Variants in DYNC2H1 observed in about 807,000 individuals in gnomAD.
DYNC2H1 encodes dynein cytoplasmic 2 heavy chain 1, also known as cytoplasmic dynein 2 heavy chain 1.
DYNC2H1 carries 410 observed loss-of-function variants against 570.0 expected under a neutral mutation model. The ratio of observed to expected loss-of-function variants is 0.72; its 90% CI spans 0.66 to 0.78. DYNC2H1 has a LOEUF of 0.78. Among genes scored for constraint, DYNC2H1 ranks in the 30% least tolerant of loss-of-function variants. DYNC2H1 has a pLI of 0.00. For synonymous variants in DYNC2H1, 1,688 were observed against 1,677.6 expected, an observed-to-expected ratio of 1.01 and a Z score of -0.15; for missense variants, 4,865 against 5,046.4, an observed-to-expected ratio of 0.96 and a Z score of 1.09.
chr11:103,150,593 G>A (rs1204259045), intron 20 of DYNC2H1, among the ~76,000 whole-genome samples: 1 of 152,024 alleles, frequency 6.6e-6, no homozygotes, highest in African/African-American at 2.4e-5. Context: ...ATGAGGATGT[G>A]GAATTTAGAG....
chr11:103,426,212 A>G (rs1943666152), intron 84 of DYNC2H1, among the ~76,000 whole-genome samples: 1 of 152,222 alleles, frequency 6.6e-6, no homozygotes. Flanking sequence ...TAGTTAATCT[A>G]TAATCTATAG....
chr11:103,456,473 A>T, intron 87 of DYNC2H1, 117 bp downstream of exon 87: 1 of 679,946 alleles, frequency 1.5e-6, no homozygotes, highest in Non-Finnish European at 2.3e-6. Context: ...GTAGAGTTAG[A>T]TTGTATTATC....
At position 103,439,324 on chromosome 11, in the gene DYNC2H1, T is replaced by C. The variant is rs902438409; in HGVS notation, c.12456+3292T>C. ...GATATCAAGAGTAAGTATTGTGTTATACCAAAGTTATTGAAATTTTGTAAA... is the reference window on the plus strand; with the variant it reads ...GATATCAAGAGTAAGTATTGTGTTACACCAAAGTTATTGAAATTTTGTAAA... On this transcript the variant is annotated intron_variant, in intron 85 of 88. Transcript: ENST00000375735. This position sits in a 1 kb window ranked among gnomAD's most constrained non-coding sequence, Gnocchi z 4.1. Among the ~76,000 whole-genome samples the C allele has an allele frequency of 5.9e-5, 9 of 152,118 alleles. No homozygotes were observed. Among genetic ancestry groups the C allele is most frequent in the African/African-American group, 1.4e-4 (6 of 41,434 alleles).
At chr11:103,414,561 G>T (rs1026147090) in intron 84 of DYNC2H1, among the ~76,000 whole-genome samples, 2 of 148,810 alleles carry the variant, frequency 1.3e-5, no homozygotes, top group Non-Finnish European at 3.0e-5. Flanking sequence ...AGAAATAAAG[G>T]ATATTCAGAT....
intron 17 of DYNC2H1, among the ~76,000 whole-genome samples, chr11:103,139,107 T>C (rs1344997698): frequency 6.6e-6 from 1 of 151,844 alleles, no homozygotes; most frequent in African/African-American, 2.4e-5. Flanking sequence ...TCTCTCTTTT[T>C]TTCTTTATTA....
chr11:103,127,823 G>A (rs1859074706), intron 12 of DYNC2H1, among the ~76,000 whole-genome samples: 1 of 152,326 alleles, frequency 6.6e-6, no homozygotes, highest in South Asian at 2.1e-4. Context: ...TCTTAGAGCT[G>A]TCATTCCAGT....
chr11:103,174,886 C>T (rs898875842), intron 36 of DYNC2H1, among the ~76,000 whole-genome samples: 8 of 135,020 alleles, frequency 5.9e-5, no homozygotes, highest in African/African-American at 1.7e-4. Context: ...ATCTAGCTTA[C>T]TCTCAGAGTG....
At chr11:103,282,256 T>TAAA in intron 72 of DYNC2H1, 27 bp downstream of exon 72, 1 of 1,602,272 alleles carries the variant, frequency 6.2e-7, no homozygotes, top group Non-Finnish European at 8.5e-7. Flanking sequence ...AAATCTATTT[T>TAAA]GCTCTTAAAG....
chr11:103,402,956 A>G (rs1330901470), intron 84 of DYNC2H1: 3 of 152,132 alleles, frequency 2.0e-5, no homozygotes, highest in Non-Finnish European at 4.4e-5. Context: ...GGGGATTGCT[A>G]TACCTAGATT....
intron 85 of DYNC2H1, among the ~76,000 whole-genome samples, chr11:103,443,769 T>A (rs1721737768): frequency 6.6e-6 from 1 of 151,854 alleles, no homozygotes; most frequent in African/African-American, 2.4e-5. Flanking sequence ...ATATTATGTG[T>A]ACCTAGTTTT....
rs1354015276 is a variant in DYNC2H1, at chr11:103,321,192, C to T, written c.11889C>T (p.Ser3963=). Residue 3963 remains serine, a synonymous_variant, in exon 81 of 89, where the codon AGC becomes AGT. Coordinates refer to ENST00000375735, the MANE Select transcript of DYNC2H1 (RefSeq NM_001377.3). ...TATTCAACCAAAGGAACAAGAAAAG[C>T]ATTTTTCCATATTCCGTATCTCTAC... is the stretch of plus-strand genomic sequence containing the variant. ...IDVFNQRNKK[S]IFPYSVSLPQ... is the part of the protein sequence containing the mutation. The T allele has an allele frequency of 1.2e-6, 2 of 1,611,288 alleles. No individual in the cohort carries two copies. Among genetic ancestry groups the T allele is most frequent in the Non-Finnish European group, 1.7e-6 (2 of 1,178,590 alleles).
rs1317496156 is a variant in DYNC2H1 at position 103,264,458 on chromosome 11, A to G, written c.10695+4481A>G. 6.6e-6 allele frequency among the ~76,000 whole-genome samples: 1 copy of G among 152,262 alleles called. No individual in the cohort carries two copies. The highest frequency in any genetic ancestry group is 1.5e-5 in the Non-Finnish European group (1 of 68,042). On this transcript the variant is annotated intron_variant, in intron 70 of 88. Transcript: ENST00000375735. This position sits in a 1 kb window ranked among gnomAD's most constrained non-coding sequence, Gnocchi z 4.8. ...GAACATTGATTAGAAAATCCTCAAT[A>G]AAATATTGGCAAACCGAATCCAGCA...
intron 82 of DYNC2H1, among the ~76,000 whole-genome samples, chr11:103,349,059 C>T (rs1939909288): frequency 6.6e-6 from 1 of 152,122 alleles, no homozygotes; most frequent in South Asian, 2.1e-4. Flanking sequence ...ATAAATTACC[C>T]AGTCTCGGGT....
At chr11:103,195,843 G>A (rs1862489994) in intron 47 of DYNC2H1, among the ~76,000 whole-genome samples, 1 of 152,064 alleles carries the variant, frequency 6.6e-6, no homozygotes, top group Admixed American at 6.6e-5. Context: ...CAGCATTCAA[G>A]TATTATACAT....
chr11:103,288,238 G>A (rs1866430083), intron 75 of DYNC2H1, among the ~76,000 whole-genome samples: 1 of 152,110 alleles, frequency 6.6e-6, no homozygotes, highest in Non-Finnish European at 1.5e-5. Context: ...CCCCAGGCAA[G>A]AAGGGGGTCT....
At chr11:103,348,488 T>A (rs1020926002) in intron 82 of DYNC2H1, among the ~76,000 whole-genome samples, 4 of 152,150 alleles carry the variant, frequency 2.6e-5, no homozygotes, top group African/African-American at 7.2e-5. Flanking sequence ...CACTGATTTC[T>A]TTTTTATCAG....
intron 75 of DYNC2H1, among the ~76,000 whole-genome samples, chr11:103,290,695 T>C (rs944155773): frequency 6.6e-6 from 1 of 152,160 alleles, no homozygotes; most frequent in Non-Finnish European, 1.5e-5. Context: ...CTCCTATCTC[T>C]CTGTTTCTCC....
intron 83 of DYNC2H1, among the ~76,000 whole-genome samples, chr11:103,382,143 T>C (rs1271708831): frequency 6.6e-6 from 1 of 152,196 alleles, no homozygotes; most frequent in Non-Finnish European, 1.5e-5. Context: ...TGATAACTAT[T>C]GAGAATTACT....
chr11:103,305,907 ATGTTT>A lies in DYNC2H1; in HGVS notation c.11382+1195_11382+1199del, dbSNP rs1487805870. On this transcript the variant is annotated intron_variant, in intron 77 of 88. Coordinates refer to ENST00000375735, the MANE Select transcript of DYNC2H1 (RefSeq NM_001377.3). The surrounding 1 kb of genome is among the most constrained non-coding windows in gnomAD (Gnocchi z 4.3). ...AAAATTTATGTCTGATAAATCATAT[ATGTTT>A]TGTTTTGGGTTTTTTTTGAGACAGA... Among the ~76,000 whole-genome samples, 1 of 152,098 alleles carries A rather than the reference ATGTTT, an allele frequency of 6.6e-6. No individual in the cohort carries two copies. Among genetic ancestry groups the A allele is most frequent in the Non-Finnish European group, 1.5e-5 (1 of 67,994 alleles).
Sources: allele counts gnomAD v4.1 joint callset (sites outside exome capture counted in the v4.1 genomes callset), GRCh38; gene constraint gnomAD v4.1.1; non-coding constraint Gnocchi (gnomAD v3.1); transcripts MANE v1.5; gene names NCBI Gene and HGNC (gene_info 2026-07-23, HGNC 2026-07-21).